NKAIN3: variants seen among roughly 807,000 people sequenced by gnomAD.
NKAIN3 encodes sodium/potassium-transporting ATPase subunit beta-1-interacting protein 3.
A neutral mutation model predicts 30.2 loss-of-function variants in NKAIN3; 25 were observed. That is an observed-to-expected ratio of 0.83 (90% CI 0.60 to 1.16). NKAIN3 has a LOEUF of 1.16. Among genes scored for constraint, NKAIN3 ranks in the 50% most tolerant of loss-of-function variants. NKAIN3 has a pLI of 0.00. For synonymous variants in NKAIN3, 91 were observed against 89.6 expected (o/e 1.02, Z -0.09); for missense variants, 225 against 254.1 (o/e 0.89, Z 0.78).
At position 62,969,696 on chromosome 8, in the gene NKAIN3, T is replaced by G. The variant is rs748557367; in HGVS notation, c.*4289T>G. Among the ~76,000 whole-genome samples, 9 of 152,332 alleles carry G rather than the reference T, an allele frequency of 5.9e-5. No homozygotes were observed. The South Asian group carries it at 1.9e-3, about 32-fold the overall frequency. On this transcript the variant is annotated 3_prime_UTR_variant, in exon 7 of 7. Coordinates refer to ENST00000623646, the MANE Select transcript of NKAIN3 (RefSeq NM_001304533.3). The stretch of plus-strand genomic sequence containing the variant: ...ATATAAATAATTGCTCTTTTAAAAC[T>G]ATAACAACTTGAATGCCTGCGGTTT...
intron 4 of NKAIN3, among the ~76,000 whole-genome samples, chr8:62,833,244 G>T (rs550222668): frequency 1.3e-5 from 2 of 152,088 alleles, no homozygotes; most frequent in African/African-American, 2.4e-5. Context: ...AAGTTAGAAA[G>T]ATCTCAAATT....
At chr8:62,300,047 G>C (rs1813990714) in intron 1 of NKAIN3, among the ~76,000 whole-genome samples, 1 of 151,998 alleles carries the variant, frequency 6.6e-6, no homozygotes, top group Admixed American at 6.6e-5. Flanking sequence ...AACTTGAATG[G>C]CTAAAGGATT....
intron 1 of NKAIN3, among the ~76,000 whole-genome samples, chr8:62,430,545 G>T (rs947612284): frequency 6.6e-6 from 1 of 151,564 alleles, no homozygotes; most frequent in African/African-American, 2.4e-5. Flanking sequence ...TATACCATTT[G>T]CATTCTCACC....
intron 1 of NKAIN3, among the ~76,000 whole-genome samples, chr8:62,460,938 T>C (rs985561911): frequency 6.6e-6 from 1 of 152,200 alleles, no homozygotes; most frequent in African/African-American, 2.4e-5. Context: ...GAATGAATTG[T>C]CCGTAGGAGC....
intron 1 of NKAIN3, among the ~76,000 whole-genome samples, chr8:62,531,636 C>A (rs1019600715): frequency 1.3e-5 from 2 of 152,164 alleles, no homozygotes; most frequent in Non-Finnish European, 2.9e-5. Flanking sequence ...GCATCCCCAG[C>A]CGACTGTCTG....
chr8:62,364,656 C>T (rs908459637), intron 1 of NKAIN3, among the ~76,000 whole-genome samples: 7 of 151,650 alleles, frequency 4.6e-5, no homozygotes, highest in African/African-American at 1.2e-4. Context: ...TGGCTAACAC[C>T]GTGACACCCC....
At chr8:62,261,358 G>A (rs553364725) in intron 1 of NKAIN3, among the ~76,000 whole-genome samples, 1 of 152,226 alleles carries the variant, frequency 6.6e-6, no homozygotes, top group African/African-American at 2.4e-5. Context: ...TGATTTGTTG[G>A]TAACTGATCT....
chr8:62,567,743 A>G (rs13262030), intron 1 of NKAIN3, among the ~76,000 whole-genome samples: 17,770 of 152,100 alleles, frequency 0.12, 1,251 homozygotes, highest in African/African-American at 0.19. Context: ...TGGCCTCCAG[A>G]AGGAATGCAG....
rs1158760795 is a variant in NKAIN3 at position 62,967,025 on chromosome 8, A to G, written c.*1618A>G. On this transcript the variant is annotated 3_prime_UTR_variant, in exon 7 of 7. Coordinates refer to ENST00000623646, the MANE Select transcript of NKAIN3 (RefSeq NM_001304533.3). ...CATTTGGAGACCTAATTTACTCACTAGCCTCCAGATTTTACCCCTTTAATC... is the reference window on the plus strand; with the variant it reads ...CATTTGGAGACCTAATTTACTCACTGGCCTCCAGATTTTACCCCTTTAATC... Among the ~76,000 whole-genome samples, 1 of 152,214 alleles carries G rather than the reference A, an allele frequency of 6.6e-6. No homozygotes were observed. Among genetic ancestry groups the G allele is most frequent in the East Asian group, 1.9e-4 (1 of 5,196 alleles).
chr8:62,791,078 T>C (rs1429506371), intron 4 of NKAIN3, among the ~76,000 whole-genome samples: 1 of 152,022 alleles, frequency 6.6e-6, no homozygotes, highest in Non-Finnish European at 1.5e-5. Context: ...AGTCCAAGTC[T>C]TAAAACTCCT....
At chr8:62,413,666 G>A (rs757431739) in intron 1 of NKAIN3, among the ~76,000 whole-genome samples, 8 of 151,962 alleles carry the variant, frequency 5.3e-5, no homozygotes, top group Admixed American at 3.3e-4. Context: ...TTCAAATCAC[G>A]TTTTGACTAA....
In NKAIN3 at chr8:62,282,178, T is replaced by A. The variant is rs575716541; in HGVS notation, c.54+33051T>A. On this transcript the variant is annotated intron_variant, in intron 1 of 6. Coordinates refer to ENST00000623646, the MANE Select transcript of NKAIN3 (RefSeq NM_001304533.3). ...GGTCTTCAGACTACCCATATTACAA[T>A]AGAAAACCCACTCGGGAAATTGGAG... 3.3e-5 allele frequency among the ~76,000 whole-genome samples: 5 copies of A among 152,206 alleles called. No individual in the cohort carries two copies. The South Asian group carries it at 1.0e-3, about 32-fold the overall frequency.
intron 4 of NKAIN3, among the ~76,000 whole-genome samples, chr8:62,763,526 T>C (rs1372845911): frequency 1.3e-5 from 2 of 152,112 alleles, no homozygotes; most frequent in Non-Finnish European, 2.9e-5. Flanking sequence ...AAGAAAATAT[T>C]TGCAATACAC....
intron 1 of NKAIN3, among the ~76,000 whole-genome samples, chr8:62,338,435 A>G (rs1815636265): frequency 6.6e-6 from 1 of 152,054 alleles, no homozygotes; most frequent in Non-Finnish European, 1.5e-5. Flanking sequence ...TATGTTCTGC[A>G]AGGTCAAATA....
At chr8:62,549,827 A>G (rs1037659911) in intron 1 of NKAIN3, among the ~76,000 whole-genome samples, 1 of 150,936 alleles carries the variant, frequency 6.6e-6, no homozygotes, top group African/African-American at 2.4e-5. Flanking sequence ...AAATACATGC[A>G]CGTGCATACC....
At chr8:62,525,146 G>A (rs940258187) in intron 1 of NKAIN3, among the ~76,000 whole-genome samples, 3 of 152,044 alleles carry the variant, frequency 2.0e-5, no homozygotes, top group Non-Finnish European at 4.4e-5. Flanking sequence ...GTTTTAATGG[G>A]GAAACTGTGT....
intron 1 of NKAIN3, among the ~76,000 whole-genome samples, chr8:62,272,303 G>A (rs1248378515): frequency 1.3e-5 from 2 of 152,156 alleles, no homozygotes; most frequent in Admixed American, 6.5e-5. Context: ...TTATCATAGT[G>A]TTGGGAGTAT....
intron 4 of NKAIN3, among the ~76,000 whole-genome samples, chr8:62,828,218 A>G (rs925667705): frequency 1.3e-5 from 2 of 152,206 alleles, no homozygotes; most frequent in African/African-American, 2.4e-5. Context: ...CTATTGTTAC[A>G]TAAAATTAAT....
chr8:62,496,385 C>T (rs1010101429), intron 1 of NKAIN3, among the ~76,000 whole-genome samples: 10 of 152,094 alleles, frequency 6.6e-5, no homozygotes, highest in Non-Finnish European at 1.2e-4. Flanking sequence ...TTAGTCTTAT[C>T]TAAATGATGT....
Sources: gnomAD v4.1 joint callset for allele counts (sites outside exome capture counted in the v4.1 genomes callset) on GRCh38, gnomAD v4.1.1 for gene constraint, MANE v1.5 for transcripts, NCBI Gene and HGNC (gene_info 2026-07-23, HGNC 2026-07-21) for gene names.